Variants in SRSF6 observed in about 807,000 individuals in gnomAD.
SRSF6 encodes the protein serine and arginine rich splicing factor 6.
In SRSF6, 17 loss-of-function variants were observed where a neutral mutation model predicts 42.0. The observed-to-expected ratio is 0.40, with a 90% CI of 0.28 to 0.61. The LOEUF is 0.61. SRSF6 is among the 20% of genes least tolerant of loss of function. The pLI is 0.37. For missense variants in SRSF6, 379 were observed against 471.4 expected, an observed-to-expected ratio of 0.80 and a Z score of 1.81; for synonymous variants, 204 against 166.7, an observed-to-expected ratio of 1.22 and a Z score of -1.72.
intron 4 of SRSF6, 23 bp from the exon 5 acceptor site, chr20:43,460,492 C>A: frequency 6.2e-7 from 1 of 1,610,756 alleles, no homozygotes; most frequent in South Asian, 1.1e-5. Context: ...GGGATTAAGA[C>A]TTCATTGTTT....
Position 43,461,994 on chromosome 20 carries a change from T to C in SRSF6, c.*931T>C, listed in dbSNP as rs535297189. The C allele has an allele frequency of 6.6e-6, 1 of 152,314 alleles. No individual in the cohort carries two copies. The highest frequency in any genetic ancestry group is 6.5e-5 in the Admixed American group (1 of 15,294). The allele number at this position is 152,314 out of a possible 1,614,324, so 9.4% of individuals were successfully genotyped here. A position where few individuals can be genotyped will look rare whatever the true frequency, so the allele number is the denominator to read the frequency against. The stretch of plus-strand genomic sequence containing the variant: ...GAAGTAGCCTCTTTTTGTTCTGAAA[T>C]TGAGTTTATTCAAAGTGTAAAAGCA... On this transcript the variant is annotated 3_prime_UTR_variant, in exon 6 of 6. Coordinates refer to ENST00000244020, the MANE Select transcript of SRSF6 (RefSeq NM_006275.6).
chr20:43,458,291 C>T (rs1037651956), intron 1 of SRSF6, 70 bp from the exon 2 acceptor site: 3 of 1,420,444 alleles, frequency 2.1e-6, no homozygotes, highest in African/African-American at 3.0e-5. Context: ...CGGTGGGGTA[C>T]GGGCGCGCGC....
In SRSF6 at chr20:43,461,506, T is replaced by C. The variant is rs1394674194; in HGVS notation, c.*443T>C. On this transcript the variant is annotated 3_prime_UTR_variant, in exon 6 of 6. Coordinates refer to ENST00000244020, the MANE Select transcript of SRSF6 (RefSeq NM_006275.6). ...CCAATTTTCAATTATGTTGGCTTTT[T>C]ATAAAGCTTGAGTTATGTAAGATTT... 6.5e-5 allele frequency: 10 copies of C among 153,566 alleles called. No individual in the cohort carries two copies. Among genetic ancestry groups the C allele is most frequent in the Non-Finnish European group, 1.2e-4 (8 of 68,844 alleles). The allele number at this position is 153,566 out of a possible 1,614,324, so 9.5% of individuals were successfully genotyped here.
rs745848762 is a variant in SRSF6, at chr20:43,461,033, A to G, written c.1005A>G (p.Arg335=). ...GTTCTAGATCTCGCTCAAAGTCAAG[A>G]TCAAGGTCCAGGTCGAGTTCCAGAG... ...RSRSRSRSKS[R]SRSRSSSRD The change falls in exon 6 of 6, where the codon AGA becomes AGG. Residue 335 remains arginine, a synonymous_variant. Transcript: ENST00000244020. 5.0e-6 allele frequency: 8 copies of G among 1,599,010 alleles called. No homozygotes were observed. The highest frequency in any genetic ancestry group is 2.2e-5 in the East Asian group (1 of 44,748).
rs1196108953 is a variant in SRSF6 at position 43,461,740 on chromosome 20, T to C, written c.*677T>C. 6.6e-6 allele frequency: 1 copy of C among 152,664 alleles called. No homozygotes were observed. Among genetic ancestry groups the C allele is most frequent in the Non-Finnish European group, 1.5e-5 (1 of 68,042 alleles). 9.5% of individuals were successfully genotyped at this position (152,664 alleles called of 1,614,324 possible). A position where few individuals can be genotyped will look rare whatever the true frequency, so the allele number is the denominator to read the frequency against. On this transcript the variant is annotated 3_prime_UTR_variant, in exon 6 of 6. Coordinates refer to ENST00000244020, the MANE Select transcript of SRSF6 (RefSeq NM_006275.6). Reference sequence around the variant, plus strand: ...TTGCCAAAGTCTTTATCTGCCCCTTTAACAAGTTGAGTAAAAATAAAAGGT... The same window carrying C: ...TTGCCAAAGTCTTTATCTGCCCCTTCAACAAGTTGAGTAAAAATAAAAGGT...
chr20:43,458,911 A>T (rs1317675614), intron 2 of SRSF6, among the ~76,000 whole-genome samples: 2 of 152,120 alleles, frequency 1.3e-5, no homozygotes, highest in Admixed American at 1.3e-4. Flanking sequence ...GGGGAGGAGC[A>T]TAAAGTATAG....
chr20:43,460,118 A>C lies in SRSF6; in HGVS notation c.467A>C (p.Tyr156Ser), dbSNP rs763138219. The change falls in exon 4 of 6, where the codon TAC (tyrosine) becomes TCC (serine). Residue 156 changes from tyrosine (Y) to serine (S), a missense_variant. Physicochemically the swap from Tyr to Ser is moderately radical, Grantham distance 144. Around this residue, in one of 3 missense-constraint regions of SRSF6, gnomAD observed 43 missense variants for 108.5 expected, o/e 0.40. Coordinates refer to ENST00000244020, the MANE Select transcript of SRSF6 (RefSeq NM_006275.6). ...GAGGGTGTAATTGAGTTTCGCTCCT[A>C]CTCTGACATGAAGCGTGCTTTGGAC... ...TNEGVIEFRS[Y>S]SDMKRALDKL... is the part of the protein sequence containing the mutation. 2 of 1,614,212 alleles carry C rather than the reference A, an allele frequency of 1.2e-6. No individual in the cohort carries two copies. The highest frequency in any genetic ancestry group is 1.7e-6 in the Non-Finnish European group (2 of 1,180,046).
At chr20:43,459,292 C>T (rs1474338121) in intron 2 of SRSF6, 1 of 1,352,104 alleles carries the variant, frequency 7.4e-7, no homozygotes, top group South Asian at 1.1e-5. Context: ...CGACAGCAGC[C>T]TTTTGCCATT....
At chr20:43,458,260 GCGCGGCGT>G (rs997412895) in intron 1 of SRSF6, 93 bp from the exon 2 acceptor site, 30 of 1,392,632 alleles carry the variant, frequency 2.2e-5, no homozygotes, top group African/African-American at 1.8e-4. Context: ...GATGGCGACG[GCGCGGCGT>G]CGCGGGGGCG....
intron 3 of SRSF6, 50 bp from the exon 4 acceptor site, chr20:43,459,983 G>T: frequency 6.2e-7 from 1 of 1,610,716 alleles, no homozygotes; most frequent in Non-Finnish European, 8.5e-7. Flanking sequence ...AATTTATTAT[G>T]GTATATAGAT....
rs1037003796 is a variant in SRSF6 at position 43,463,622 on chromosome 20, A to G, written c.*2559A>G. 1 of 152,640 alleles carries G rather than the reference A, an allele frequency of 6.6e-6. No individual in the cohort carries two copies. Among genetic ancestry groups the G allele is most frequent in the Non-Finnish European group, 1.5e-5 (1 of 68,050 alleles). 9.5% of individuals were successfully genotyped at this position (152,640 alleles called of 1,614,324 possible). ...TGAGGGAAAGGCTTGTTTTGAGTTT[A>G]TTGCATATGCCCACTTAGGACCAGA... On this transcript the variant is annotated 3_prime_UTR_variant, in exon 6 of 6. Coordinates refer to ENST00000244020, the MANE Select transcript of SRSF6 (RefSeq NM_006275.6).
intron 2 of SRSF6, among the ~76,000 whole-genome samples, chr20:43,458,863 C>T (rs1373899617): frequency 6.6e-4 from 5 of 7,618 alleles, no homozygotes; most frequent in African/African-American, 2.9e-3. Flanking sequence ...GGGGCAGGCT[C>T]GGGTGGAGGT....
Position 43,463,910 on chromosome 20 carries a change from A to G in SRSF6, c.*2847A>G, listed in dbSNP as rs1230333034. On this transcript the variant is annotated 3_prime_UTR_variant, in exon 6 of 6. Coordinates refer to ENST00000244020, the MANE Select transcript of SRSF6 (RefSeq NM_006275.6). ...CATAACAAATACAATTTTATTTACA[A>G]ATATACATGGTTGGACCATACCTTG... The G allele has an allele frequency of 1.3e-5, 2 of 152,252 alleles. No individual in the cohort carries two copies. Among genetic ancestry groups the G allele is most frequent in the South Asian group, 4.1e-4 (2 of 4,834 alleles). The allele number at this position is 152,252 out of a possible 1,614,324, so 9.4% of individuals were successfully genotyped here.
intron 2 of SRSF6, among the ~76,000 whole-genome samples, chr20:43,458,852 G>T (rs2017542553): frequency 6.6e-6 from 1 of 151,368 alleles, no homozygotes. Context: ...TTAGAGGTTC[G>T]GGGGCAGGCT....
chr20:43,459,773 G>A lies in SRSF6; in HGVS notation c.259G>A (p.Gly87Ser). 2 of 1,613,038 alleles carry A rather than the reference G, an allele frequency of 1.2e-6. No individual in the cohort carries two copies. Among genetic ancestry groups the A allele is most frequent in the Non-Finnish European group, 1.7e-6 (2 of 1,180,036 alleles). Residue 87 changes from glycine (G) to serine (S), a missense_variant and splice_region_variant, in exon 3 of 6, where the codon GGT becomes AGT. Gly to Ser is a moderately conservative substitution (Grantham distance 56). Around this residue, in one of 3 missense-constraint regions of SRSF6, gnomAD observed 117 missense variants for 146.8 expected, o/e 0.80. Coordinates refer to ENST00000244020, the MANE Select transcript of SRSF6 (RefSeq NM_006275.6). ...ATTGTTCCCTTCATGTGATAAAGGTGGTGGAGGTGGATACAGCAGTCGGAG... is the reference window on the plus strand; with the variant it reads ...ATTGTTCCCTTCATGTGATAAAGGTAGTGGAGGTGGATACAGCAGTCGGAG... Reference protein sequence around the residue: ...RDGYSYGSRSGGGGYSSRRTS... With the variant: ...RDGYSYGSRSSGGGYSSRRTS...
rs1459181938 is a variant in SRSF6 at position 43,463,006 on chromosome 20, C to T, written c.*1943C>T. On this transcript the variant is annotated 3_prime_UTR_variant, in exon 6 of 6. Coordinates refer to ENST00000244020, the MANE Select transcript of SRSF6 (RefSeq NM_006275.6). ...GGAAAGAACATAAAAGCTTTTTGAA[C>T]TACAGCCTTTTTAAAAGAGGGATGG... is the stretch of plus-strand genomic sequence containing the variant. The T allele has an allele frequency of 1.3e-5, 2 of 152,546 alleles. No individual in the cohort carries two copies. Among genetic ancestry groups the T allele is most frequent in the Non-Finnish European group, 2.9e-5 (2 of 67,996 alleles). The allele number at this position is 152,546 out of a possible 1,614,324, so 9.4% of individuals were successfully genotyped here. A position where few individuals can be genotyped will look rare whatever the true frequency, so the allele number is the denominator to read the frequency against.
chr20:43,458,684 G>A (rs934255735), intron 2 of SRSF6, among the ~76,000 whole-genome samples, 175 bp downstream of exon 2: 6 of 152,220 alleles, frequency 3.9e-5, no homozygotes, highest in Non-Finnish European at 7.3e-5. Flanking sequence ...CGGAGCGCGG[G>A]GATTGGGTTT....
intron 4 of SRSF6, 60 bp downstream of exon 4, chr20:43,460,301 TTGAG>T: frequency 1.9e-6 from 3 of 1,561,510 alleles, no homozygotes; most frequent in South Asian, 2.3e-5. Context: ...AAGGGAGTAA[TTGAG>T]TGATGTCAAT....
Position 43,457,927 on chromosome 20 carries a change from T to A in SRSF6, c.-107T>A. 3 of 917,388 alleles carry A rather than the reference T, an allele frequency of 3.3e-6. No homozygotes were observed. In the South Asian group the frequency reaches 4.4e-5, roughly 13 times the overall value. The allele number at this position is 917,388 out of a possible 1,614,324, so 56.8% of individuals were successfully genotyped here. On this transcript the variant is annotated 5_prime_UTR_variant, in exon 1 of 6. Transcript: ENST00000244020. ...TGGCTGGACTCGGCCGCCCCTGTGG[T>A]GTGAGGCGCGTGTTCGGGCTCTTGC... is the stretch of plus-strand genomic sequence containing the variant.
Sources: allele counts gnomAD v4.1 joint callset (sites outside exome capture counted in the v4.1 genomes callset), GRCh38; gene constraint gnomAD v4.1.1; regional missense constraint gnomAD v4.1.1; transcripts MANE v1.5; gene names NCBI Gene and HGNC (gene_info 2026-07-23, HGNC 2026-07-21).